Variants in KCNH4 observed in about 807,000 individuals in gnomAD.
KCNH4 encodes voltage-gated delayed rectifier potassium channel KCNH4.
In KCNH4, 33 loss-of-function variants were observed where a neutral mutation model predicts 90.7. The observed-to-expected ratio is 0.36, with a 90% CI of 0.28 to 0.49. The LOEUF (loss-of-function observed/expected upper bound fraction) is 0.49, where lower values mean the gene tolerates loss of function less well. KCNH4 is among the 20% of genes least tolerant of loss of function. The pLI, the probability that KCNH4 is intolerant of heterozygous loss-of-function variation, is 0.98. For synonymous variants in KCNH4, 551 were observed against 581.7 expected, an observed-to-expected ratio of 0.95 and a Z score of 0.76; for missense variants, 1,044 against 1,387.1, an observed-to-expected ratio of 0.75 and a Z score of 3.93.
intron 9 of KCNH4, among the ~76,000 whole-genome samples, chr17:42,166,768 T>C (rs529146496): frequency 6.6e-6 from 1 of 152,122 alleles, no homozygotes; most frequent in Non-Finnish European, 1.5e-5. Flanking sequence ...CTCCCATCAG[T>C]TCCCTGCCTG....
Position 42,177,954 on chromosome 17 carries a change from T to C in KCNH4, c.585+146A>G, listed in dbSNP as rs777964328. ...GATATAGGATGGAGCATATACCATA[T>C]AGAGTAGTATATGGGAAATGGGTGG... is the stretch of plus-strand genomic sequence containing the variant. On this transcript the variant is annotated intron_variant, in intron 4 of 16. Transcript: ENST00000264661. 3 of 910,764 alleles carry C rather than the reference T, an allele frequency of 3.3e-6. No homozygotes were observed. The East Asian group carries it at 7.2e-5, about 22-fold the overall frequency. The allele number at this position is 910,764 out of a possible 1,614,324, so 56.4% of individuals were successfully genotyped here. A position where few individuals can be genotyped will look rare whatever the true frequency, so the allele number is the denominator to read the frequency against.
At position 42,160,186 on chromosome 17, in the gene KCNH4, C is replaced by T. The variant is rs1052120894; in HGVS notation, c.2908G>A (p.Ala970Thr). The change falls in exon 16 of 17, where the codon GCG becomes ACG. Residue 970 changes from alanine to threonine, a missense_variant. By Grantham distance (58) the Ala-to-Thr change is moderately conservative (BLOSUM62 0). Around this residue, in one of 4 missense-constraint regions of KCNH4, gnomAD observed 441 missense variants for 512.3 expected, o/e 0.86. Transcript: ENST00000264661. ...ASVGTMETGT[A>T]LLDLRPSILP... is the part of the protein sequence containing the mutation. Reference sequence around the variant, plus strand: ...ATGGAAGGTCTCAAGTCCAGGAGCGCAGTCCCTGTCTCCATGGTCCCCACA... The same window carrying T: ...ATGGAAGGTCTCAAGTCCAGGAGCGTAGTCCCTGTCTCCATGGTCCCCACA... 2 of 1,613,678 alleles carry T rather than the reference C, an allele frequency of 1.2e-6. No individual in the cohort carries two copies. The highest frequency in any genetic ancestry group is 1.3e-5 in the African/African-American group (1 of 74,920).
intron 14 of KCNH4, among the ~76,000 whole-genome samples, chr17:42,162,925 C>T (rs1160943351): frequency 1.3e-5 from 2 of 152,148 alleles, no homozygotes; most frequent in African/African-American, 4.8e-5. Flanking sequence ...TTCAAGATCC[C>T]ACCCACCCTT....
chr17:42,158,056 G>A (rs1307467708), intron 16 of KCNH4, among the ~76,000 whole-genome samples: 4 of 151,816 alleles, frequency 2.6e-5, no homozygotes, highest in Admixed American at 1.3e-4. Context: ...AGCCTCCCGC[G>A]AAGCTGGGAT....
intron 9 of KCNH4, among the ~76,000 whole-genome samples, chr17:42,169,005 T>C (rs914501769): frequency 1.3e-5 from 2 of 152,188 alleles, no homozygotes; most frequent in African/African-American, 4.8e-5. Context: ...TCTCCTGACC[T>C]TGTGATCCGC....
In KCNH4 at chr17:42,166,449, C is replaced by A; in HGVS notation, c.1688G>T (p.Gly563Val). Residue 563 changes from glycine to valine, a missense_variant, in exon 10 of 17, where the codon GGC becomes GTC. Around this residue, in one of 4 missense-constraint regions of KCNH4, gnomAD observed 318 missense variants for 479.6 expected, o/e 0.66. Coordinates refer to ENST00000264661, the MANE Select transcript of KCNH4 (RefSeq NM_012285.3). ...QLPLFGAASR[G>V]CLRALSLHIK... ...GTGCAGCGATAGGGCCCGCAGGCAGCCCCTGCTCGCTGCCCCGAACAACGG... is the reference window on the plus strand; with the variant it reads ...GTGCAGCGATAGGGCCCGCAGGCAGACCCTGCTCGCTGCCCCGAACAACGG... 3 of 1,614,098 alleles carry A rather than the reference C, an allele frequency of 1.9e-6. No homozygotes were observed. The highest frequency in any genetic ancestry group is 2.5e-6 in the Non-Finnish European group (3 of 1,179,984).
At chr17:42,173,818 A>G (rs936225401) in intron 6 of KCNH4, among the ~76,000 whole-genome samples, 1 of 144,098 alleles carries the variant, frequency 6.9e-6, no homozygotes, top group Non-Finnish European at 1.5e-5. Context: ...CTCCTGCCTC[A>G]GCCTCCCAAG....
chr17:42,170,694 G>T (rs1312785498), intron 7 of KCNH4, among the ~76,000 whole-genome samples: 1 of 152,230 alleles, frequency 6.6e-6, no homozygotes, highest in Non-Finnish European at 1.5e-5. Context: ...TATAGGGTGT[G>T]TTAGGAATCC....
In KCNH4 at chr17:42,179,032, GGAA is replaced by G; in HGVS notation, c.77-9_77-7del. On this transcript the variant is annotated splice_polypyrimidine_tract_variant and splice_region_variant and intron_variant, in intron 1 of 16. Transcript: ENST00000264661. ...GGCCAGCAGGAAGTTGCTGTCTGTG[GGAA>G]GAAGAGGTCAAGGTCAGGTCAAGGC... The G allele has an allele frequency of 6.2e-7, 1 of 1,610,128 alleles. No individual in the cohort carries two copies. Among genetic ancestry groups the G allele is most frequent in the Non-Finnish European group, 8.5e-7 (1 of 1,176,572 alleles).
At chr17:42,160,708 C>T (rs1380167000) in intron 15 of KCNH4, among the ~76,000 whole-genome samples, 1 of 152,216 alleles carries the variant, frequency 6.6e-6, no homozygotes, top group East Asian at 1.9e-4. Context: ...AGAGGCCACA[C>T]ATCTGTGAAG....
Position 42,160,237 on chromosome 17 carries a change from G to A in KCNH4, c.2857C>T (p.Leu953Phe), listed in dbSNP as rs1272745519. Residue 953 changes from leucine (L) to phenylalanine (F), a missense_variant, in exon 16 of 17, where the codon CTT becomes TTT. Leu to Phe is a conservative substitution (Grantham distance 22). Coordinates refer to ENST00000264661, the MANE Select transcript of KCNH4 (RefSeq NM_012285.3). ...CTGGCTGGGCAGTGAACTTCAGCAA[G>A]CGTAGTATCCTGGAGGCTGGGTGGT... ...RPPPSLQDTT[L>F]AEVHCPASVG... is the part of the protein sequence containing the mutation. 6.2e-7 allele frequency: 1 copy of A among 1,614,138 alleles called. No individual in the cohort carries two copies. The highest frequency in any genetic ancestry group is 1.1e-5 in the South Asian group (1 of 91,080).
At chr17:42,179,630 A>C (rs2079887599) in intron 1 of KCNH4, among the ~76,000 whole-genome samples, 1 of 152,216 alleles carries the variant, frequency 6.6e-6, no homozygotes, top group African/African-American at 2.4e-5. Flanking sequence ...ACACCCATTT[A>C]TTGATAGGAA....
At chr17:42,178,604 A>G in intron 2 of KCNH4, 127 bp from the exon 3 acceptor site, 1 of 1,280,562 alleles carries the variant, frequency 7.8e-7, no homozygotes, top group East Asian at 2.5e-5. Context: ...GGAACCTCAG[A>G]GATTCTGTCA....
rs1431146352 is a variant in KCNH4, at chr17:42,166,540, G to A, written c.1597C>T (p.Arg533Cys). 1.2e-6 allele frequency: 2 copies of A among 1,611,664 alleles called. No homozygotes were observed. The highest frequency in any genetic ancestry group is 1.6e-4 in the Middle Eastern group (1 of 6,074). ...NSGIDANELL[R>C]DFPDELRADI... ...GCTCTCAGCTCGTCTGGGAAGTCAC[G>A]CAGTAACTGCATAAGGGGCATAGGT... is the stretch of plus-strand genomic sequence containing the variant. The change falls in exon 10 of 17, where the codon CGT (arginine) becomes TGT (cysteine). Residue 533 changes from arginine (R) to cysteine (C), a missense_variant. Coordinates refer to ENST00000264661, the MANE Select transcript of KCNH4 (RefSeq NM_012285.3).
intron 4 of KCNH4, among the ~76,000 whole-genome samples, chr17:42,177,518 GA>G (rs1354723747): frequency 4.6e-5 from 7 of 152,212 alleles, no homozygotes; most frequent in Non-Finnish European, 8.8e-5. Flanking sequence ...TCCTACTTGA[GA>G]AGAAGACTAT....
In KCNH4 at chr17:42,166,916, T is replaced by C. The variant is rs572274884; in HGVS notation, c.1591-370A>G. Among the ~76,000 whole-genome samples the C allele has an allele frequency of 1.7e-4, 26 of 152,324 alleles. 1 individual carries two copies. The highest frequency in any genetic ancestry group is 6.3e-4 in the African/African-American group (26 of 41,574). ...CCTTGGGCAACCCATTTCCGCTCGC[T>C]GGGCCTCAGTATCCCAGTCTGTATC... On this transcript the variant is annotated intron_variant, in intron 9 of 16. Coordinates refer to ENST00000264661, the MANE Select transcript of KCNH4 (RefSeq NM_012285.3).
intron 9 of KCNH4, among the ~76,000 whole-genome samples, chr17:42,168,092 C>T (rs1321463300): frequency 2.6e-5 from 4 of 152,154 alleles, no homozygotes. Flanking sequence ...TGACTCCTCC[C>T]CACCCAGGCA....
At chr17:42,170,895 G>A (rs1311026150) in intron 7 of KCNH4, among the ~76,000 whole-genome samples, 5 of 152,208 alleles carry the variant, frequency 3.3e-5, no homozygotes, top group African/African-American at 1.2e-4. Context: ...TTCCAGAGAG[G>A]AAAAGAACAT....
chr17:42,179,052 G>A, intron 1 of KCNH4, 26 bp from the exon 2 acceptor site: 1 of 1,578,440 alleles, frequency 6.3e-7, no homozygotes, highest in Non-Finnish European at 8.7e-7. Context: ...GTCAAGGTCA[G>A]GTCAAGGCTG....
Sources: gnomAD v4.1 joint callset for allele counts (sites outside exome capture counted in the v4.1 genomes callset) on GRCh38, gnomAD v4.1.1 for gene constraint, gnomAD v4.1.1 regional missense constraint, MANE v1.5 for transcripts, NCBI Gene and HGNC (gene_info 2026-07-23, HGNC 2026-07-21) for gene names.